The following CCDC30 variants were observed in gnomAD, a reference collection of about 807,000 sequenced individuals.
CCDC30 encodes coiled-coil domain containing 30.
In CCDC30, 70 loss-of-function variants were observed where a neutral mutation model predicts 100.2. The ratio of observed to expected loss-of-function variants is 0.70; its 90% CI spans 0.58 to 0.85. The LOEUF is 0.85. Ranked by LOEUF, CCDC30 falls within the 40% of genes least tolerant of loss-of-function variation. CCDC30 has a pLI of 0.00. For synonymous variants in CCDC30, 233 were observed against 269.5 expected (o/e 0.86, Z 1.33); for missense variants, 652 against 771.2 (o/e 0.85, Z 1.83).
intron 6 of CCDC30, among the ~76,000 whole-genome samples, chr1:42,536,254 G>T (rs973015167): frequency 6.6e-6 from 1 of 152,060 alleles, no homozygotes; most frequent in East Asian, 1.9e-4. Context: ...TATTCCTACT[G>T]TGATGGCTAT....
intron 6 of CCDC30, chr1:42,539,261 T>G: frequency 6.2e-7 from 1 of 1,610,810 alleles, no homozygotes; most frequent in East Asian, 2.2e-5. Flanking sequence ...GACCATTTTT[T>G]AATAGCATGT....
At chr1:42,550,407 G>A (rs1645227238) in intron 6 of CCDC30, among the ~76,000 whole-genome samples, 1 of 151,994 alleles carries the variant, frequency 6.6e-6, no homozygotes, top group Non-Finnish European at 1.5e-5. Flanking sequence ...CCTCTCCATG[G>A]CTTCCTATTG....
intron 6 of CCDC30, among the ~76,000 whole-genome samples, chr1:42,551,046 A>G (rs930303517): frequency 7.2e-5 from 11 of 152,154 alleles, no homozygotes; most frequent in African/African-American, 2.7e-4. Flanking sequence ...ATATGTATAC[A>G]TGTGCCATGT....
chr1:42,598,694 G>A (rs12410375), intron 10 of CCDC30, among the ~76,000 whole-genome samples: 60,016 of 151,812 alleles, frequency 0.4, 12,366 homozygotes, highest in Non-Finnish European at 0.45. Context: ...CCAATTAAAA[G>A]AGAATGTCAA....
intron 6 of CCDC30, among the ~76,000 whole-genome samples, chr1:42,563,826 GA>G (rs1420106590): frequency 1.3e-5 from 2 of 151,558 alleles, no homozygotes; most frequent in African/African-American, 4.9e-5. Context: ...GTGGTGAGCT[GA>G]GATCGCACCA....
intron 11 of CCDC30, among the ~76,000 whole-genome samples, chr1:42,633,243 G>A (rs1034534708): frequency 6.6e-6 from 1 of 152,216 alleles, no homozygotes; most frequent in Non-Finnish European, 1.5e-5. Context: ...AATGGGGGCA[G>A]GTAATGACTG....
chr1:42,499,519 A>C (rs986502034), intron 6 of CCDC30, among the ~76,000 whole-genome samples: 1 of 152,236 alleles, frequency 6.6e-6, no homozygotes, highest in Middle Eastern at 3.4e-3. Context: ...TCTGTTGCCC[A>C]GGCTGGAGTA....
At chr1:42,574,808 A>G (rs978162214) in intron 7 of CCDC30, among the ~76,000 whole-genome samples, 4 of 152,204 alleles carry the variant, frequency 2.6e-5, no homozygotes, top group African/African-American at 7.2e-5. Context: ...TAACAAATGT[A>G]AAGTAGTAAT....
intron 12 of CCDC30, among the ~76,000 whole-genome samples, chr1:42,639,941 A>G (rs1243415250): frequency 1.4e-5 from 2 of 147,390 alleles, no homozygotes; most frequent in Non-Finnish European, 3.0e-5. Context: ...ACTCCAGCTT[A>G]GGTGAAAAGA....
intron 9 of CCDC30, among the ~76,000 whole-genome samples, chr1:42,588,155 G>A (rs775024943): frequency 1.3e-5 from 2 of 152,150 alleles, no homozygotes; most frequent in Non-Finnish European, 2.9e-5. Flanking sequence ...GTCTCCTGAG[G>A]GAGGAACTCA....
At chr1:42,634,165 C>T (rs561146360) in intron 11 of CCDC30, among the ~76,000 whole-genome samples, 13 of 150,006 alleles carry the variant, frequency 8.7e-5, no homozygotes, top group African/African-American at 3.2e-4. Flanking sequence ...TAGTGATGCA[C>T]ACCTCTAGTC....
exon 2 of CCDC30, chr1:42,480,515 C>T: frequency 1.7e-6 from 1 of 587,352 alleles, no homozygotes; most frequent in South Asian, 7.5e-5. Context: ...CCTCAACCTC[C>T]TGGGCTCAAG....
Position 42,483,073 on chromosome 1 carries a change from T to A in CCDC30, c.169+257T>A, listed in dbSNP as rs1278350368. The A allele has an allele frequency of 2.1e-5, 6 of 281,096 alleles. No individual in the cohort carries two copies. In the East Asian group the frequency reaches 3.0e-4, roughly 14 times the overall value. 17.4% of individuals were successfully genotyped at this position (281,096 alleles called of 1,614,324 possible). The stretch of plus-strand genomic sequence containing the variant: ...CCCAGCCTCTCAGAAGTCCCCTGTG[T>A]TCCTTCTTTCTATCTCTACATCCTT... On this transcript the variant is annotated intron_variant, in intron 3 of 16. Coordinates refer to ENST00000668663, the Ensembl canonical transcript of CCDC30.
the CCDC30 span, chr1:42,456,470 CCACTCAGTACGGCGCGGCGCGTA>C: frequency 3.3e-5 from 43 of 1,304,170 alleles, no homozygotes; most frequent in East Asian, 1.1e-3. Context: ...AGTGAACCGC[CCACTCAGTACGGCGCGGCGCGTA>C]CACCAGGTAG....
intron 6 of CCDC30, among the ~76,000 whole-genome samples, chr1:42,523,475 T>C (rs942000859): frequency 2.0e-5 from 3 of 152,204 alleles, no homozygotes; most frequent in Non-Finnish European, 4.4e-5. Flanking sequence ...TGAGGATTCC[T>C]TGTGTGTGAT....
chr1:42,603,762 AC>A (rs1646451188), intron 10 of CCDC30, among the ~76,000 whole-genome samples: 1 of 152,196 alleles, frequency 6.6e-6, no homozygotes, highest in African/African-American at 2.4e-5. Context: ...TGATCCAGAA[AC>A]CATGCTCCTT....
chr1:42,465,684 TGGGGA>T (rs1342526810), intron 1 of CCDC30, among the ~76,000 whole-genome samples: 1 of 152,140 alleles, frequency 6.6e-6, no homozygotes, highest in African/African-American at 2.4e-5. Context: ...GTTTTAAACC[TGGGGA>T]GTGGGGTGGG....
At chr1:42,459,777 C>T (rs375090300), upstream of CCDC30, 2 of 1,614,114 alleles carry the variant, frequency 1.2e-6, no homozygotes, top group Non-Finnish European at 1.7e-6. Context: ...CCTTGAGTCA[C>T]GACAGTCCTT....
chr1:42,497,581 A>G (rs947939027), intron 5 of CCDC30, among the ~76,000 whole-genome samples: 16 of 152,294 alleles, frequency 1.1e-4, no homozygotes, highest in African/African-American at 3.8e-4. Context: ...ATTTTTAACC[A>G]TTTCTTCTTA....
Sources: allele counts gnomAD v4.1 joint callset (sites outside exome capture counted in the v4.1 genomes callset), GRCh38; gene constraint gnomAD v4.1.1; transcripts MANE v1.5; gene names NCBI Gene and HGNC (gene_info 2026-07-23, HGNC 2026-07-21).